The following ZBTB7C variants were observed in gnomAD, a reference collection of about 807,000 sequenced individuals.
ZBTB7C encodes the protein zinc finger and BTB domain containing 7C.
ZBTB7C carries 8 observed loss-of-function variants against 25.7 expected under a neutral mutation model. The ratio of observed to expected loss-of-function variants is 0.31; its 90% CI spans 0.18 to 0.56. The LOEUF (loss-of-function observed/expected upper bound fraction) is 0.56, where lower values mean the gene tolerates loss of function less well. ZBTB7C is among the 20% of genes least tolerant of loss of function. ZBTB7C has a pLI of 0.91. For synonymous variants in ZBTB7C, 394 were observed against 369.0 expected (o/e 1.07, Z -0.78); for missense variants, 824 against 855.2 (o/e 0.96, Z 0.46).
chr18:48,220,297 A>G (rs1312945028), intron 2 of ZBTB7C, among the ~76,000 whole-genome samples: 2 of 152,210 alleles, frequency 1.3e-5, no homozygotes, highest in Admixed American at 6.5e-5. Flanking sequence ...CAGCTCAGTC[A>G]AGCACCACTT....
intron 2 of ZBTB7C, among the ~76,000 whole-genome samples, chr18:48,293,404 A>T (rs1394451212): frequency 6.6e-6 from 1 of 152,218 alleles, no homozygotes; most frequent in Non-Finnish European, 1.5e-5. Flanking sequence ...ATTAGGAATT[A>T]GGGTTTCAAC....
At chr18:48,297,177 G>A (rs1304039967) in intron 2 of ZBTB7C, among the ~76,000 whole-genome samples, 1 of 152,172 alleles carries the variant, frequency 6.6e-6, no homozygotes, top group Admixed American at 6.5e-5. Flanking sequence ...ACAAAGAGTG[G>A]CTTACTACCC....
At chr18:48,207,141 C>T (rs959147057) in intron 2 of ZBTB7C, among the ~76,000 whole-genome samples, 2 of 152,128 alleles carry the variant, frequency 1.3e-5, no homozygotes, top group Non-Finnish European at 2.9e-5. Flanking sequence ...CTGAAGCAAC[C>T]AGAATGGCTG....
chr18:48,382,450 T>A (rs1366975272), intron 1 of ZBTB7C, among the ~76,000 whole-genome samples: 1 of 152,210 alleles, frequency 6.6e-6, no homozygotes, highest in Non-Finnish European at 1.5e-5. Flanking sequence ...AATATATAAA[T>A]CTCTTTAATG....
At chr18:48,315,654 C>A (rs1264681936) in intron 2 of ZBTB7C, among the ~76,000 whole-genome samples, 1 of 152,058 alleles carries the variant, frequency 6.6e-6, no homozygotes, top group Non-Finnish European at 1.5e-5. Flanking sequence ...CCCACACTCC[C>A]GGTAGGAAGG....
intron 1 of ZBTB7C, among the ~76,000 whole-genome samples, chr18:48,397,743 A>G (rs1490591390): frequency 2.0e-5 from 3 of 152,168 alleles, no homozygotes; most frequent in African/African-American, 7.2e-5. Flanking sequence ...TACAAGCTAC[A>G]CTATGTCATT....
chr18:48,390,597 A>G (rs2047877255), intron 1 of ZBTB7C, among the ~76,000 whole-genome samples: 1 of 152,218 alleles, frequency 6.6e-6, no homozygotes, highest in African/African-American at 2.4e-5. Context: ...TCACCTGCTT[A>G]AAACCTGCCA....
chr18:48,167,293 T>C (rs1436393172), intron 3 of ZBTB7C, among the ~76,000 whole-genome samples: 1 of 152,150 alleles, frequency 6.6e-6, no homozygotes, highest in Non-Finnish European at 1.5e-5. Flanking sequence ...TCCTCTGCCC[T>C]TTTCACCCTT....
intron 2 of ZBTB7C, among the ~76,000 whole-genome samples, chr18:48,194,101 C>A (rs1568293821): frequency 6.6e-6 from 1 of 152,248 alleles, no homozygotes; most frequent in Non-Finnish European, 1.5e-5. Flanking sequence ...CCAAGGCCAA[C>A]AGTGGGGCCT....
chr18:48,401,929 T>A (rs2048167855), intron 1 of ZBTB7C, among the ~76,000 whole-genome samples: 1 of 152,146 alleles, frequency 6.6e-6, no homozygotes. Context: ...TGCCAATTCA[T>A]GCCCTTCTTC....
intron 2 of ZBTB7C, among the ~76,000 whole-genome samples, chr18:48,269,953 A>C (rs912071125): frequency 6.6e-6 from 1 of 152,218 alleles, no homozygotes; most frequent in African/African-American, 2.4e-5. Flanking sequence ...AAGCCAGCTA[A>C]TGTTGTTACA....
At chr18:48,120,893 C>T (rs1300852149) in intron 3 of ZBTB7C, among the ~76,000 whole-genome samples, 1 of 152,248 alleles carries the variant, frequency 6.6e-6, no homozygotes, top group Admixed American at 6.5e-5. Context: ...AGTTTGCACA[C>T]TTACATCCCT....
chr18:48,406,691 C>A (rs1305981467), intron 1 of ZBTB7C, among the ~76,000 whole-genome samples: 1 of 152,232 alleles, frequency 6.6e-6, no homozygotes, highest in African/African-American at 2.4e-5. Context: ...CAACTCTGCA[C>A]TAGCCTTGAA....
chr18:48,078,410 G>C (rs1177203888), intron 3 of ZBTB7C, among the ~76,000 whole-genome samples: 1 of 152,140 alleles, frequency 6.6e-6, no homozygotes, highest in African/African-American at 2.4e-5. Context: ...CTGCCTCTGG[G>C]GGGCATACCT....
At chr18:48,274,182 T>A (rs1321316259) in intron 2 of ZBTB7C, among the ~76,000 whole-genome samples, 2 of 152,174 alleles carry the variant, frequency 1.3e-5, no homozygotes, top group African/African-American at 4.8e-5. Context: ...GGACCCTTAA[T>A]CTCATGCTTT....
chr18:48,300,446 C>T (rs2045515555), intron 2 of ZBTB7C, among the ~76,000 whole-genome samples: 1 of 152,116 alleles, frequency 6.6e-6, no homozygotes, highest in Non-Finnish European at 1.5e-5. Flanking sequence ...GCTGGTGGAG[C>T]TGGGCATCCG....
At chr18:48,108,955 G>A (rs1292458353) in intron 3 of ZBTB7C, among the ~76,000 whole-genome samples, 3 of 152,048 alleles carry the variant, frequency 2.0e-5, no homozygotes. Flanking sequence ...GGAGAGTGGA[G>A]CACTTGGGGG....
At chr18:48,144,983 C>A (rs180809506) in intron 3 of ZBTB7C, among the ~76,000 whole-genome samples, 18 of 152,286 alleles carry the variant, frequency 1.2e-4, no homozygotes, top group Non-Finnish European at 2.1e-4. Context: ...GAGATTCATT[C>A]CCTGACCCTC....
At chr18:48,234,873 T>G (rs1179390175) in intron 2 of ZBTB7C, among the ~76,000 whole-genome samples, 1 of 152,216 alleles carries the variant, frequency 6.6e-6, no homozygotes, top group Non-Finnish European at 1.5e-5. Flanking sequence ...CGAAACTAAG[T>G]GCATACAAAT....
Sources: gnomAD v4.1 joint callset for allele counts (sites outside exome capture counted in the v4.1 genomes callset) on GRCh38, gnomAD v4.1.1 for gene constraint, MANE v1.5 for transcripts, NCBI Gene and HGNC (gene_info 2026-07-23, HGNC 2026-07-21) for gene names.